The following SSU72 variants were observed in gnomAD, a reference collection of about 807,000 sequenced individuals.
SSU72 encodes the protein SSU72 homolog, RNA polymerase II CTD phosphatase, also known as RNA polymerase II subunit A C-terminal domain phosphatase SSU72.
A neutral mutation model predicts 22.7 loss-of-function variants in SSU72; 12 were observed. That is an observed-to-expected ratio of 0.53 (90% confidence interval 0.34 to 0.86). SSU72 has a LOEUF of 0.86. SSU72 is among the 40% of genes least tolerant of loss of function. The pLI is 0.02. For missense variants in SSU72, 151 were observed against 249.8 expected, an observed-to-expected ratio of 0.60 and a Z score of 2.67; for synonymous variants, 116 against 98.3, an observed-to-expected ratio of 1.18 and a Z score of -1.06.
Position 1,542,742 on chromosome 1 carries a change from G to A in SSU72, c.484-575C>T, listed in dbSNP as rs1355198724. 6.6e-6 allele frequency among the ~76,000 whole-genome samples: 1 copy of A among 152,076 alleles called. No individual in the cohort carries two copies. The highest frequency in any genetic ancestry group is 2.4e-5 in the African/African-American group (1 of 41,386). ...CAAGGAGCGGCCTGTCTGTGACTCA[G>A]CTCTGGCCAACGTGACCCAAGCAGA... is the stretch of plus-strand genomic sequence containing the variant. On this transcript the variant is annotated intron_variant, in intron 4 of 4. Transcript: ENST00000291386. This position sits in a 1 kb window ranked among gnomAD's most constrained non-coding sequence, Gnocchi z 4.4.
rs538280324 is a variant in SSU72, at chr1:1,574,141, G to A, written c.80+337C>T. On this transcript the variant is annotated intron_variant, in intron 1 of 4. Transcript: ENST00000291386. Reference sequence around the variant, plus strand: ...GATTGTGTTGCGCGCCGTTTCCAGGGAAGGTGGCCAACGACGCACACGAAA... The same window carrying A: ...GATTGTGTTGCGCGCCGTTTCCAGGAAAGGTGGCCAACGACGCACACGAAA... 6.6e-5 allele frequency among the ~76,000 whole-genome samples: 10 copies of A among 152,234 alleles called. No homozygotes were observed. The South Asian group carries it at 1.7e-3, about 25-fold the overall frequency.
At chr1:1,546,197 G>A (rs969183672) in intron 2 of SSU72, 9 of 152,266 alleles carry the variant, frequency 5.9e-5, no homozygotes, top group South Asian at 2.1e-4. Context: ...ACCACTTTCA[G>A]ATAAACAGCC....
chr1:1,555,186 G>A (rs1642506626), intron 2 of SSU72, among the ~76,000 whole-genome samples: 1 of 152,166 alleles, frequency 6.6e-6, no homozygotes. Flanking sequence ...CACATCAGAG[G>A]GGAGGTCAGA....
intron 1 of SSU72, among the ~76,000 whole-genome samples, chr1:1,568,875 T>C (rs1184466248): frequency 1.4e-5 from 2 of 143,942 alleles, no homozygotes; most frequent in Non-Finnish European, 3.0e-5. Context: ...TCTGTAAAAA[T>C]AAATAAATAA....
chr1:1,566,808 C>T (rs1315388484), intron 1 of SSU72, among the ~76,000 whole-genome samples: 2 of 151,378 alleles, frequency 1.3e-5, no homozygotes, highest in Admixed American at 1.3e-4. Context: ...GAGCTGAGAT[C>T]GCGCCACTGC....
chr1:1,545,239 G>A (rs941717100), intron 2 of SSU72: 5 of 507,002 alleles, frequency 9.9e-6, no homozygotes, highest in Middle Eastern at 5.3e-4. Flanking sequence ...CCCCCAACTC[G>A]GCAAAAAGAC....
At chr1:1,550,157 C>T in intron 2 of SSU72, among the ~76,000 whole-genome samples, 1 of 133,616 alleles carries the variant, frequency 7.5e-6, no homozygotes, top group Non-Finnish European at 1.5e-5. Context: ...CAGCCTGAGA[C>T]AGAGCGAGAG....
At chr1:1,566,554 T>A (rs1458987861) in intron 1 of SSU72, among the ~76,000 whole-genome samples, 5 of 151,982 alleles carry the variant, frequency 3.3e-5, no homozygotes, top group African/African-American at 7.2e-5. Flanking sequence ...CATATTATTT[T>A]AAAAAAAGAA....
intron 2 of SSU72, among the ~76,000 whole-genome samples, chr1:1,548,274 C>T (rs1039452327): frequency 3.3e-5 from 5 of 152,186 alleles, no homozygotes; most frequent in Non-Finnish European, 7.3e-5. Flanking sequence ...GAAATAAACT[C>T]CCAGCTGGGC....
intron 2 of SSU72, 152 bp downstream of exon 2, chr1:1,564,621 G>A (rs546354725): frequency 1.1e-5 from 18 of 1,613,540 alleles, no homozygotes; most frequent in African/African-American, 4.0e-5. Flanking sequence ...ACGATCCGAC[G>A]TGCACCAGGA....
At chr1:1,548,965 G>A (rs1044644042) in intron 2 of SSU72, among the ~76,000 whole-genome samples, 2 of 152,242 alleles carry the variant, frequency 1.3e-5, no homozygotes, top group Non-Finnish European at 2.9e-5. Context: ...TGAGTCTGGG[G>A]ATGGGAGAAT....
chr1:1,556,795 G>A lies in SSU72; in HGVS notation c.224+7978C>T, dbSNP rs373382088. Among the ~76,000 whole-genome samples the A allele has an allele frequency of 1.8e-4, 28 of 152,322 alleles. No individual in the cohort carries two copies. In the East Asian group the frequency reaches 4.1e-3, roughly 22 times the overall value. On this transcript the variant is annotated intron_variant, in intron 2 of 4. Transcript: ENST00000291386. ...AAGCATCTCACCTGCTGCAGACTAG[G>A]TGAAAACTCACAGGCTTGTGGGCCC... is the stretch of plus-strand genomic sequence containing the variant.
chr1:1,565,380 A>C (rs1234306879), intron 1 of SSU72, among the ~76,000 whole-genome samples: 3 of 152,216 alleles, frequency 2.0e-5, no homozygotes, highest in African/African-American at 7.2e-5. Context: ...ACACAAAAGC[A>C]ATCAAACCAG....
At chr1:1,544,694 T>C in intron 3 of SSU72, 169 bp downstream of exon 3, 1 of 832,694 alleles carries the variant, frequency 1.2e-6, no homozygotes, top group Non-Finnish European at 2.0e-6. Flanking sequence ...ACATGGGTGG[T>C]TCAGCGACCA....
chr1:1,565,127 CAGG>C (rs1642643456), intron 1 of SSU72, among the ~76,000 whole-genome samples: 1 of 151,820 alleles, frequency 6.6e-6, no homozygotes, highest in Non-Finnish European at 1.5e-5. Context: ...ATCATGAAGG[CAGG>C]CGGATCATGA....
chr1:1,564,984 G>A, intron 1 of SSU72, 68 bp from the exon 2 acceptor site: 2 of 1,519,368 alleles, frequency 1.3e-6, no homozygotes, highest in Non-Finnish European at 1.8e-6. Context: ...GCAAGGGACA[G>A]CAAATGGGAT....
At chr1:1,559,732 G>A (rs1331556599) in intron 2 of SSU72, among the ~76,000 whole-genome samples, 1 of 118,916 alleles carries the variant, frequency 8.4e-6, no homozygotes. Context: ...GCTACTTTTT[G>A]TATTTTATTT....
chr1:1,569,973 C>T (rs142341034), intron 1 of SSU72, among the ~76,000 whole-genome samples: 19 of 152,224 alleles, frequency 1.2e-4, no homozygotes, highest in Admixed American at 3.9e-4. Flanking sequence ...GCATTTCCTA[C>T]GCTTTTCACA....
chr1:1,571,158 T>C (rs1025611770), intron 1 of SSU72, among the ~76,000 whole-genome samples: 1 of 144,684 alleles, frequency 6.9e-6, no homozygotes, highest in African/African-American at 2.6e-5. Flanking sequence ...GGCAGGAGAA[T>C]GGCATGAACC....
Sources: gnomAD v4.1 joint callset for allele counts (sites outside exome capture counted in the v4.1 genomes callset) on GRCh38, gnomAD v4.1.1 for gene constraint, Gnocchi (gnomAD v3.1) non-coding constraint, MANE v1.5 for transcripts, NCBI Gene and HGNC (gene_info 2026-07-23, HGNC 2026-07-21) for gene names.